Variants in RAB40A observed in about 807,000 individuals in gnomAD.
RAB40A encodes the protein ras-related protein Rab-40A.
For missense variants in RAB40A, 145 were observed against 230.2 expected (o/e 0.63, Z 2.40); for synonymous variants, 65 against 99.9 (o/e 0.65, Z 2.08).
In RAB40A at chrX:103,500,617, C is replaced by T. The variant is rs755888694; in HGVS notation, c.140G>A (p.Gly47Glu). ...GGTGGTCGTCTTGTAGTCGATCCCC[C>T]CGAGATGGCTGTACGGGGACTCAGC... ...GAAESPYSHLGGIDYKTTTIL... is the reference protein window; with the variant it reads ...GAAESPYSHLEGIDYKTTTIL... Residue 47 changes from glycine to glutamate, a missense_variant, in exon 3 of 3, where the codon GGG becomes GAG. Gly to Glu is a moderately conservative substitution (Grantham distance 98, BLOSUM62 -2). Transcript: ENST00000304236. 89 of 1,209,046 alleles carry T rather than the reference C, an allele frequency of 7.4e-5. No homozygotes were observed. Among genetic ancestry groups the T allele is most frequent in the Non-Finnish European group, 9.8e-5 (88 of 894,908 alleles).
intron 2 of RAB40A, among the ~76,000 whole-genome samples, chrX:103,514,776 C>T (rs1315295976): frequency 8.9e-6 from 1 of 111,813 alleles, no homozygotes; most frequent in Non-Finnish European, 1.9e-5. Context: ...GTTTCTATGA[C>T]TAGTTCTGAT....
downstream of RAB40A, among the ~76,000 whole-genome samples, chrX:103,494,380 G>A (rs145139887): frequency 2.7e-5 from 3 of 111,775 alleles, no homozygotes; most frequent in African/African-American, 9.8e-5. Flanking sequence ...CCATTCTGTG[G>A]GTTGTCTCTT....
chrX:103,505,345 C>T (rs917146665), intron 2 of RAB40A, among the ~76,000 whole-genome samples: 2 of 111,939 alleles, frequency 1.8e-5, no homozygotes, highest in African/African-American at 6.5e-5. Flanking sequence ...TATATGTACA[C>T]GATTCTGTTG....
In RAB40A at chrX:103,503,329, T is replaced by C. The variant is rs748267075; in HGVS notation, c.-70-2503A>G. 46 of 750,193 alleles carry C rather than the reference T, an allele frequency of 6.1e-5. No homozygotes were observed. The African/African-American group carries it at 1.0e-3, about 17-fold the overall frequency. 61.8% of individuals were successfully genotyped at this position (750,193 alleles called of 1,213,427 possible). A position where few individuals can be genotyped will look rare whatever the true frequency, so the allele number is the denominator to read the frequency against. On this transcript the variant is annotated intron_variant, in intron 2 of 2. Transcript: ENST00000304236. ...CATAGGATCCTAGAGAAGGGAGGAC[T>C]GAAAGGGAATGGGAGGAGGTCTGGG...
In RAB40A at chrX:103,515,526, C is replaced by T. The variant is rs761987640; in HGVS notation, c.-71+1848G>A. On this transcript the variant is annotated intron_variant, in intron 2 of 2. Transcript: ENST00000304236. ...ATATATTTATTGAAGTATTATGTATCAGATGGTTTCTTTAGTTTTGCTCAT... is the reference window on the plus strand; with the variant it reads ...ATATATTTATTGAAGTATTATGTATTAGATGGTTTCTTTAGTTTTGCTCAT... 6.2e-5 allele frequency among the ~76,000 whole-genome samples: 7 copies of T among 112,151 alleles called. No homozygotes were observed. The East Asian group carries it at 1.7e-3, about 27-fold the overall frequency.
chrX:103,498,062 G>T (rs2073192022), downstream of RAB40A, among the ~76,000 whole-genome samples: 1 of 111,929 alleles, frequency 8.9e-6, no homozygotes. Flanking sequence ...AACCATTCAG[G>T]ATTCCAGTAA....
At chrX:103,512,309 GTT>G (rs369215990) in intron 2 of RAB40A, among the ~76,000 whole-genome samples, 1 of 103,908 alleles carries the variant, frequency 9.6e-6, no homozygotes, top group African/African-American at 3.5e-5. Context: ...TTGGTTAGCT[GTT>G]TTTTTTTTTT....
In RAB40A at chrX:103,500,336, C is replaced by T. The variant is rs2073217191; in HGVS notation, c.421G>A (p.Ala141Thr). The T allele has an allele frequency of 8.3e-7, 1 of 1,210,095 alleles. No individual in the cohort carries two copies. The highest frequency in any genetic ancestry group is 1.7e-5 in the African/African-American group (1 of 57,244). Residue 141 changes from alanine to threonine, a missense_variant, in exon 3 of 3, where the codon GCC becomes ACC. Physicochemically the swap from Ala to Thr is moderately conservative, Grantham distance 58 (BLOSUM62 0). Transcript: ENST00000304236. Reference sequence around the variant, plus strand: ...CCCAGGCGCTCGGCGTAGGCCTGGGCCTGCTCCCTGGGCACCTGCCTCTTG... The same window carrying T: ...CCCAGGCGCTCGGCGTAGGCCTGGGTCTGCTCCCTGGGCACCTGCCTCTTG... ...AFKRQVPREQ[A>T]QAYAERLGVT...
At chrX:103,510,745 C>A (rs1417124779) in intron 2 of RAB40A, among the ~76,000 whole-genome samples, 1 of 112,264 alleles carries the variant, frequency 8.9e-6, no homozygotes, top group Non-Finnish European at 1.9e-5. Flanking sequence ...ACTGCTTTTG[C>A]AATTATACAA....
Position 103,500,762 on chromosome X carries a change from T to C in RAB40A, c.-6A>G. ...GGGCTGCCCGGGGCGCTCATGGTGC[T>C]GGCCCCGCACTCCCGCCTGAGCCAG... On this transcript the variant is annotated 5_prime_UTR_variant, in exon 3 of 3. Transcript: ENST00000304236. The C allele has an allele frequency of 8.3e-7, 1 of 1,207,142 alleles. No individual in the cohort carries two copies.
chrX:103,512,945 C>T (rs1010635802), intron 2 of RAB40A, among the ~76,000 whole-genome samples: 3 of 110,420 alleles, frequency 2.7e-5, no homozygotes, highest in Non-Finnish European at 3.8e-5. Flanking sequence ...AACAAAATAC[C>T]CCTGCCCTTT....
At chrX:103,501,808 G>A (rs773059387) in intron 2 of RAB40A, 51 of 122,030 alleles carry the variant, frequency 4.2e-4, no homozygotes, top group African/African-American at 1.7e-3. Flanking sequence ...GAAAAAAACC[G>A]AAAAAGAATT....
chrX:103,496,785 G>A (rs955573334), downstream of RAB40A, among the ~76,000 whole-genome samples: 4 of 112,417 alleles, frequency 3.6e-5, no homozygotes, highest in Non-Finnish European at 5.6e-5. Context: ...TGACTCTTAT[G>A]GAAGCTATTT....
intron 2 of RAB40A, among the ~76,000 whole-genome samples, chrX:103,505,152 A>T (rs2073248409): frequency 8.9e-6 from 1 of 112,270 alleles, no homozygotes; most frequent in Non-Finnish European, 1.9e-5. Flanking sequence ...GCTTAATATT[A>T]TCCTTGTGAG....
At chrX:103,496,675 A>G (rs2073175122), downstream of RAB40A, among the ~76,000 whole-genome samples, 1 of 112,647 alleles carries the variant, frequency 8.9e-6, no homozygotes. Context: ...TCTATTTGCA[A>G]AATTCCTTTT....
chrX:103,503,895 T>C (rs1228885752), intron 2 of RAB40A, among the ~76,000 whole-genome samples: 1 of 111,955 alleles, frequency 8.9e-6, no homozygotes, highest in African/African-American at 3.2e-5. Context: ...TGTCAAATTA[T>C]TTCCTGTTTT....
At chrX:103,505,576 G>A (rs367821871) in intron 2 of RAB40A, among the ~76,000 whole-genome samples, 123 of 111,098 alleles carry the variant, frequency 1.1e-3, no homozygotes, top group East Asian at 4.2e-3. Flanking sequence ...AACGTTAAGC[G>A]CCTTTTTATA....
At chrX:103,515,748 G>T (rs980652943) in intron 2 of RAB40A, among the ~76,000 whole-genome samples, 1 of 111,830 alleles carries the variant, frequency 8.9e-6, no homozygotes, top group Non-Finnish European at 1.9e-5. Context: ...ATGAGTGTGT[G>T]TGGTTCCCTT....
intron 2 of RAB40A, among the ~76,000 whole-genome samples, chrX:103,504,347 GAGA>G (rs1452609265): frequency 9.2e-6 from 1 of 108,271 alleles, no homozygotes; most frequent in Non-Finnish European, 1.9e-5. Flanking sequence ...AAACTTAAAA[GAGA>G]AGAACATTCT....
Sources: allele counts gnomAD v4.1 joint callset (sites outside exome capture counted in the v4.1 genomes callset), GRCh38; gene constraint gnomAD v4.1.1; transcripts MANE v1.5; gene names NCBI Gene and HGNC (gene_info 2026-07-23, HGNC 2026-07-21).